The following CDH17 variants were observed in gnomAD, a reference collection of about 807,000 sequenced individuals.
CDH17 encodes cadherin 17, also known as cadherin-17.
CDH17 carries 67 observed loss-of-function variants against 86.3 expected under a neutral mutation model. The observed-to-expected ratio is 0.78, with a 90% confidence interval of 0.64 to 0.95. The LOEUF (loss-of-function observed/expected upper bound fraction) is 0.95. Ranked by LOEUF, CDH17 falls within the 40% of genes least tolerant of loss-of-function variation. The pLI is 0.00. For missense variants in CDH17, 993 were observed against 1,017.6 expected (o/e 0.98, Z 0.33); for synonymous variants, 367 against 366.4 (o/e 1.00, Z -0.02).
rs1343185948 is a variant in CDH17, at chr8:94,130,913, C to T, written c.2247G>A (p.Gly749=). 1 of 1,611,306 alleles carries T rather than the reference C, an allele frequency of 6.2e-7. No individual in the cohort carries two copies. Among genetic ancestry groups the T allele is most frequent in the East Asian group, 2.2e-5 (1 of 44,874 alleles). Reference sequence around the variant, plus strand: ...CAATGCCTTCCAAGGGTGGCCGACCCCCATCATTGATGCGGATCAAGACGA... The same window carrying T: ...CAATGCCTTCCAAGGGTGGCCGACCTCCATCATTGATGCGGATCAAGACGA... ...EYVVLIRIND[G]GRPPLEGIVS... Residue 749 remains glycine, a synonymous_variant, in exon 16 of 18, where the codon GGG becomes GGA. Coordinates refer to ENST00000027335, the MANE Select transcript of CDH17 (RefSeq NM_004063.4).
At chr8:94,145,848 T>G in intron 15 of CDH17, 80 bp downstream of exon 15, 1 of 1,449,744 alleles carries the variant, frequency 6.9e-7, no homozygotes, top group Admixed American at 1.9e-5. Flanking sequence ...CTTTGCTGAG[T>G]ACAGCAAACC....
chr8:94,213,306 G>T (rs1814150176), upstream of CDH17, among the ~76,000 whole-genome samples: 2 of 152,162 alleles, frequency 1.3e-5, no homozygotes, highest in African/African-American at 4.8e-5. Context: ...TGATTACATA[G>T]GCCCTTCTGA....
At chr8:94,171,481 T>C (rs1042812004) in intron 7 of CDH17, among the ~76,000 whole-genome samples, 2 of 152,180 alleles carry the variant, frequency 1.3e-5, no homozygotes, top group Non-Finnish European at 2.9e-5. Context: ...TTCCTAAATA[T>C]TTAGCCTCAG....
chr8:94,155,789 C>T (rs542981085), intron 12 of CDH17, among the ~76,000 whole-genome samples: 71 of 152,194 alleles, frequency 4.7e-4, no homozygotes, highest in African/African-American at 8.7e-4. Flanking sequence ...CACACTGGGG[C>T]GGGAAGACTA....
At chr8:94,178,842 A>G (rs1312765625) in intron 3 of CDH17, among the ~76,000 whole-genome samples, 1 of 152,072 alleles carries the variant, frequency 6.6e-6, no homozygotes, top group Non-Finnish European at 1.5e-5. Context: ...TGTTGATATT[A>G]TATTGTTTAT....
At position 94,172,217 on chromosome 8, in the gene CDH17, G is replaced by A. The variant is rs1813283068; in HGVS notation, c.784-1232C>T. ...TGGGAGTAACCTGAATAATAGCTAT[G>A]AAGACTTTAGTCTAGGCCCCCAATC... On this transcript the variant is annotated intron_variant, in intron 7 of 17. Coordinates refer to ENST00000027335, the MANE Select transcript of CDH17 (RefSeq NM_004063.4). 2.0e-5 allele frequency among the ~76,000 whole-genome samples: 3 copies of A among 151,860 alleles called. No individual in the cohort carries two copies. The South Asian group carries it at 6.3e-4, about 32-fold the overall frequency.
At chr8:94,129,915 C>T (rs1236661678) in intron 17 of CDH17, among the ~76,000 whole-genome samples, 1 of 152,044 alleles carries the variant, frequency 6.6e-6, no homozygotes, top group Non-Finnish European at 1.5e-5. Flanking sequence ...GGGTCTCATC[C>T]CCAAGATATC....
Position 94,160,093 on chromosome 8 carries a change from C to G in CDH17, c.1429G>C (p.Ala477Pro). ...GAACTCCCAGTAAATGGCTCATCAG[C>G]ATCAGTGGCCTGGATGGTTAAGATG... ...STILTIQATD[A>P]DEPFTGSSKI... Residue 477 changes from alanine (A) to proline (P), a missense_variant, in exon 12 of 18, where the codon GCT becomes CCT. Ala to Pro is a conservative substitution (Grantham distance 27). Transcript: ENST00000027335. 1 of 1,613,902 alleles carries G rather than the reference C, an allele frequency of 6.2e-7. No individual in the cohort carries two copies. Among genetic ancestry groups the G allele is most frequent in the Non-Finnish European group, 8.5e-7 (1 of 1,179,894 alleles).
intron 15 of CDH17, among the ~76,000 whole-genome samples, chr8:94,132,733 T>C (rs986791321): frequency 1.3e-5 from 2 of 152,242 alleles, no homozygotes; most frequent in African/African-American, 4.8e-5. Context: ...AGTCATGAAG[T>C]CCTTGCCCAC....
rs749606523 is a variant in CDH17 at position 94,176,625 on chromosome 8, T to C, written c.340A>G (p.Ile114Val). The C allele has an allele frequency of 3.7e-6, 6 of 1,613,634 alleles. No homozygotes were observed. Among genetic ancestry groups the C allele is most frequent in the South Asian group, 1.1e-5 (1 of 91,074 alleles). Residue 114 changes from isoleucine (I) to valine (V), a missense_variant, in exon 5 of 18, where the codon ATA becomes GTA. Transcript: ENST00000027335. Reference sequence around the variant, plus strand: ...TTGTCGTTGATGTCCTTCACTTTTATGGTGATAGGGACTGGACCCTCCACT... The same window carrying C: ...TTGTCGTTGATGTCCTTCACTTTTACGGTGATAGGGACTGGACCCTCCACT... The part of the protein sequence containing the change: ...IIVEGPVPIT[I>V]KVKDINDNRP...
chr8:94,131,367 T>A (rs1410588570), intron 15 of CDH17, among the ~76,000 whole-genome samples: 1 of 152,202 alleles, frequency 6.6e-6, no homozygotes, highest in African/African-American at 2.4e-5. Flanking sequence ...AACTGATCAA[T>A]ACATAACCTT....
chr8:94,168,670 C>T (rs1813212939), intron 9 of CDH17, among the ~76,000 whole-genome samples: 1 of 152,084 alleles, frequency 6.6e-6, no homozygotes, highest in African/African-American at 2.4e-5. Context: ...AAATAGCAAG[C>T]TGAGCCCCTT....
At chr8:94,182,787 T>C (rs1813508522) in intron 3 of CDH17, among the ~76,000 whole-genome samples, 1 of 151,826 alleles carries the variant, frequency 6.6e-6, no homozygotes, top group African/African-American at 2.4e-5. Flanking sequence ...GAACAAGAAA[T>C]AAAAGGCATA....
chr8:94,180,280 G>C (rs1813452745), intron 3 of CDH17, among the ~76,000 whole-genome samples: 1 of 151,586 alleles, frequency 6.6e-6, no homozygotes, highest in African/African-American at 2.4e-5. Flanking sequence ...GATTCCCAGA[G>C]ACCAGTGAAA....
At chr8:94,134,107 T>C (rs1812473916) in intron 15 of CDH17, among the ~76,000 whole-genome samples, 1 of 152,226 alleles carries the variant, frequency 6.6e-6, no homozygotes, top group Non-Finnish European at 1.5e-5. Context: ...GATACTGGTC[T>C]AAAATTCTCT....
upstream of CDH17, among the ~76,000 whole-genome samples, chr8:94,211,020 CAAA>C (rs59090058): frequency 4.4e-5 from 4 of 91,912 alleles, no homozygotes; most frequent in Admixed American, 1.2e-4. Context: ...GACTGCATCT[CAAA>C]AAAAAAAAAA....
chr8:94,146,079 C>T lies in CDH17; in HGVS notation c.2016G>A (p.Thr672=), dbSNP rs148714244. ...TGAGGGGATGGCAGAAGAACAAGCC[C>T]GTGTAGTCCTTGGCTAGCCTGGGAG... is the stretch of plus-strand genomic sequence containing the variant. ...DNPPRLAKDY[T]GLFFCHPLSA... The change falls in exon 15 of 18, where the codon ACG becomes ACA. Residue 672 remains threonine, a synonymous_variant. Transcript: ENST00000027335. 53 of 1,613,348 alleles carry T rather than the reference C, an allele frequency of 3.3e-5. No homozygotes were observed. The highest frequency in any genetic ancestry group is 3.1e-5 in the Non-Finnish European group (36 of 1,179,762).
intron 10 of CDH17, among the ~76,000 whole-genome samples, chr8:94,162,692 G>A (rs1813078787): frequency 6.6e-6 from 1 of 152,176 alleles, no homozygotes; most frequent in African/African-American, 2.4e-5. Flanking sequence ...GTTCACAAGA[G>A]TCTGGCTACC....
At chr8:94,133,896 G>T (rs1437752522) in intron 15 of CDH17, among the ~76,000 whole-genome samples, 1 of 152,178 alleles carries the variant, frequency 6.6e-6, no homozygotes, top group Non-Finnish European at 1.5e-5. Flanking sequence ...GGCCTTTTCT[G>T]CATCTATTGA....
Sources: allele counts gnomAD v4.1 joint callset (sites outside exome capture counted in the v4.1 genomes callset), GRCh38; gene constraint gnomAD v4.1.1; transcripts MANE v1.5; gene names NCBI Gene and HGNC (gene_info 2026-07-23, HGNC 2026-07-21).